PARD3B: variants seen among roughly 807,000 people sequenced by gnomAD.
The protein encoded by PARD3B is par-3 family cell polarity regulator beta.
A neutral mutation model predicts 130.2 loss-of-function variants in PARD3B; 103 were observed. The observed-to-expected ratio is 0.79, with a 90% confidence interval of 0.67 to 0.93. The LOEUF is 0.93. Ranked by LOEUF, PARD3B falls within the 40% of genes least tolerant of loss-of-function variation. PARD3B has a pLI of 0.00. For missense variants in PARD3B, 1,609 were observed against 1,499.2 expected, an observed-to-expected ratio of 1.07 and a Z score of -1.21; for synonymous variants, 583 against 553.2, an observed-to-expected ratio of 1.05 and a Z score of -0.76.
chr2:205,232,575 T>A (rs547909058), intron 15 of PARD3B, among the ~76,000 whole-genome samples: 9 of 151,968 alleles, frequency 5.9e-5, no homozygotes, highest in Admixed American at 3.3e-4. Flanking sequence ...AGGAAAAAAA[T>A]TAGTTAAAAC....
intron 2 of PARD3B, among the ~76,000 whole-genome samples, chr2:204,807,686 A>G (rs1042916113): frequency 1.3e-5 from 2 of 152,132 alleles, no homozygotes; most frequent in Non-Finnish European, 2.9e-5. Flanking sequence ...ATCATTTGCA[A>G]CATGGATAGA....
intron 1 of PARD3B, among the ~76,000 whole-genome samples, chr2:204,590,989 A>G (rs1019095791): frequency 2.6e-4 from 40 of 152,210 alleles, no homozygotes; most frequent in African/African-American, 6.8e-4. Flanking sequence ...TAAATTTAGT[A>G]TCTCCAGTTG....
At chr2:205,319,147 C>T (rs1176698325) in intron 18 of PARD3B, among the ~76,000 whole-genome samples, 1 of 152,162 alleles carries the variant, frequency 6.6e-6, no homozygotes, top group Non-Finnish European at 1.5e-5. Context: ...GGTATAAATG[C>T]TTTCTACATC....
At chr2:205,503,516 T>C (rs992927556) in intron 21 of PARD3B, among the ~76,000 whole-genome samples, 1 of 152,180 alleles carries the variant, frequency 6.6e-6, no homozygotes, top group Non-Finnish European at 1.5e-5. Context: ...GGCTCTGTTC[T>C]GTTCCATTGG....
intron 3 of PARD3B, among the ~76,000 whole-genome samples, chr2:204,999,075 G>A (rs971563990): frequency 6.6e-6 from 1 of 151,080 alleles, no homozygotes; most frequent in African/African-American, 2.4e-5. Context: ...TTTATGCATC[G>A]CTGGGTTCAG....
chr2:204,737,047 A>G (rs939147120), intron 2 of PARD3B, among the ~76,000 whole-genome samples: 1 of 152,206 alleles, frequency 6.6e-6, no homozygotes, highest in Non-Finnish European at 1.5e-5. Flanking sequence ...CTTGGGTTTA[A>G]GTGATTCTCC....
intron 3 of PARD3B, among the ~76,000 whole-genome samples, chr2:204,996,456 G>A (rs1188468785): frequency 3.9e-5 from 6 of 152,144 alleles, no homozygotes; most frequent in Non-Finnish European, 7.4e-5. Context: ...CTCCAGCTGC[G>A]TGCTGGGAGA....
chr2:204,743,675 G>GT (rs796181355), intron 2 of PARD3B, among the ~76,000 whole-genome samples: 317 of 151,508 alleles, frequency 2.1e-3, no homozygotes, highest in African/African-American at 7.1e-3. Context: ...GGCCTTTCAA[G>GT]TTTTTTTTTC....
chr2:205,018,748 A>AAAAAAAAG (rs1696360681), intron 3 of PARD3B, among the ~76,000 whole-genome samples: 1 of 121,664 alleles, frequency 8.2e-6, no homozygotes, highest in Non-Finnish European at 1.8e-5. Context: ...AAAAAAAAAA[A>AAAAAAAAG]AAGCACGCTG....
At chr2:205,236,950 T>A (rs1170837339) in intron 15 of PARD3B, among the ~76,000 whole-genome samples, 4 of 152,196 alleles carry the variant, frequency 2.6e-5, no homozygotes, top group Non-Finnish European at 4.4e-5. Flanking sequence ...AATTATAAAG[T>A]ACAACATTCA....
intron 22 of PARD3B, among the ~76,000 whole-genome samples, chr2:205,593,536 G>A (rs898942327): frequency 4.6e-5 from 7 of 152,280 alleles, no homozygotes; most frequent in South Asian, 2.1e-4. Context: ...GTTAGTGAAG[G>A]ATAAGTATGT....
intron 1 of PARD3B, among the ~76,000 whole-genome samples, chr2:204,551,298 A>C (rs1377486307): frequency 2.6e-5 from 4 of 152,178 alleles, no homozygotes; most frequent in African/African-American, 9.7e-5. Flanking sequence ...AGCTCTGACA[A>C]TGCTGGGCTT....
rs921413392 is a variant in PARD3B, at chr2:204,828,974, G to C, written c.223-136178G>C. 5.3e-5 allele frequency among the ~76,000 whole-genome samples: 8 copies of C among 152,290 alleles called. 1 individual carries two copies. The South Asian group carries it at 1.7e-3, about 32-fold the overall frequency. On this transcript the variant is annotated intron_variant, in intron 2 of 22. Transcript: ENST00000406610. The stretch of plus-strand genomic sequence containing the variant: ...TGTGCATTCCAGCCTTCTGCATGAA[G>C]TCTTTCCTGACTTCAAGGTCCATGG...
rs2048779854 is a variant in PARD3B, at chr2:205,470,283, T to A, written c.3044+29611T>A. ...AGTGCCCTAGCCTTTCTCATTCCTC[T>A]TCAAAGTAGCTTTCACAATTAAATC... On this transcript the variant is annotated intron_variant, in intron 20 of 22. Transcript: ENST00000406610. This position sits in a 1 kb window ranked among gnomAD's most constrained non-coding sequence, Gnocchi z 4.8. Among the ~76,000 whole-genome samples the A allele has an allele frequency of 6.6e-6, 1 of 152,216 alleles. No homozygotes were observed. Among genetic ancestry groups the A allele is most frequent in the Non-Finnish European group, 1.5e-5 (1 of 68,032 alleles).
At chr2:205,400,589 C>T (rs115402140) in intron 18 of PARD3B, among the ~76,000 whole-genome samples, 98 of 151,602 alleles carry the variant, frequency 6.5e-4, no homozygotes, top group African/African-American at 2.3e-3. Flanking sequence ...TTTCAGTGAA[C>T]GAAGATCACA....
chr2:204,913,066 T>C (rs530624194), intron 2 of PARD3B, among the ~76,000 whole-genome samples: 2 of 152,360 alleles, frequency 1.3e-5, no homozygotes, highest in Admixed American at 1.3e-4. Flanking sequence ...TTTCTCAAAA[T>C]AATATTTCCT....
At chr2:205,005,759 A>G (rs1303602361) in intron 3 of PARD3B, among the ~76,000 whole-genome samples, 1 of 152,192 alleles carries the variant, frequency 6.6e-6, no homozygotes, top group East Asian at 1.9e-4. Flanking sequence ...AAAAACAACA[A>G]CTTAATGATT....
intron 15 of PARD3B, among the ~76,000 whole-genome samples, chr2:205,225,639 G>T (rs1334494687): frequency 1.3e-5 from 2 of 152,174 alleles, no homozygotes; most frequent in African/African-American, 4.8e-5. Context: ...GCATGACTGA[G>T]TGGCCTCAAG....
At chr2:204,752,087 G>A (rs1374441198) in intron 2 of PARD3B, among the ~76,000 whole-genome samples, 1 of 152,082 alleles carries the variant, frequency 6.6e-6, no homozygotes, top group Non-Finnish European at 1.5e-5. Context: ...TATCTGATAA[G>A]CATAATCATT....
Sources: allele counts gnomAD v4.1 joint callset (sites outside exome capture counted in the v4.1 genomes callset), GRCh38; gene constraint gnomAD v4.1.1; non-coding constraint Gnocchi (gnomAD v3.1); transcripts MANE v1.5; gene names NCBI Gene and HGNC (gene_info 2026-07-23, HGNC 2026-07-21).